MAPK8IP3: variants seen among roughly 807,000 people sequenced by gnomAD.
MAPK8IP3 encodes the protein C-Jun-amino-terminal kinase-interacting protein 3.
Under a neutral mutation model 157.8 loss-of-function variants are expected in MAPK8IP3, and 49 were observed. The observed-to-expected ratio is 0.31, with a 90% CI of 0.25 to 0.39. The LOEUF (loss-of-function observed/expected upper bound fraction) is 0.39, where lower values mean the gene tolerates loss of function less well. MAPK8IP3 is among the 10% of genes least tolerant of loss of function. MAPK8IP3 has a pLI of 1.00. For missense variants in MAPK8IP3, 1,478 were observed against 1,889.4 expected, an observed-to-expected ratio of 0.78 and a Z score of 4.04; for synonymous variants, 897 against 777.7, an observed-to-expected ratio of 1.15 and a Z score of -2.55.
intron 1 of MAPK8IP3, among the ~76,000 whole-genome samples, chr16:1,722,049 C>T (rs915241335): frequency 3.9e-5 from 6 of 152,216 alleles, no homozygotes; most frequent in Admixed American, 2.0e-4. Flanking sequence ...GGATTACAGG[C>T]GTGAGCCACC....
chr16:1,758,390 C>T (rs558492403), intron 9 of MAPK8IP3, among the ~76,000 whole-genome samples: 2 of 152,330 alleles, frequency 1.3e-5, no homozygotes, highest in East Asian at 1.9e-4. Context: ...AGGAGTCCCC[C>T]GCGGGCCATT....
chr16:1,710,556 A>G lies in MAPK8IP3; in HGVS notation c.318+3899A>G, dbSNP rs1596531387. ...TGGGTAGGATTCAGCTGGAGAAAACAAACACCATAATCCCGCTCTACAGAG... is the reference window on the plus strand; with the variant it reads ...TGGGTAGGATTCAGCTGGAGAAAACGAACACCATAATCCCGCTCTACAGAG... On this transcript the variant is annotated intron_variant, in intron 1 of 31. Coordinates refer to ENST00000610761, the MANE Select transcript of MAPK8IP3 (RefSeq NM_001318852.2). The surrounding 1 kb of genome is among the most constrained non-coding windows in gnomAD (Gnocchi z 4.1). Among the ~76,000 whole-genome samples the G allele has an allele frequency of 6.6e-6, 1 of 152,214 alleles. No homozygotes were observed. The highest frequency in any genetic ancestry group is 1.9e-4 in the East Asian group (1 of 5,200).
At chr16:1,732,854 G>A (rs1170493133) in intron 4 of MAPK8IP3, among the ~76,000 whole-genome samples, 2 of 152,044 alleles carry the variant, frequency 1.3e-5, no homozygotes, top group African/African-American at 4.8e-5. Context: ...CCAAGAATGG[G>A]CAGCGCCAGC....
intron 2 of MAPK8IP3, among the ~76,000 whole-genome samples, chr16:1,728,726 C>T (rs1243315237): frequency 6.8e-6 from 1 of 147,024 alleles, no homozygotes; most frequent in African/African-American, 2.6e-5. Flanking sequence ...AGTGTTCTCC[C>T]CTCGCACAAC....
chr16:1,739,866 GCCTGTGAGCATC>G (rs2040527080), intron 4 of MAPK8IP3, among the ~76,000 whole-genome samples: 1 of 115,202 alleles, frequency 8.7e-6, no homozygotes. Context: ...GACCGTGTGA[GCCTGTGAGCATC>G]CGTGTGACCG....
At chr16:1,730,297 G>A (rs1596598453) in intron 4 of MAPK8IP3, among the ~76,000 whole-genome samples, 1 of 151,988 alleles carries the variant, frequency 6.6e-6, no homozygotes, top group Non-Finnish European at 1.5e-5. Flanking sequence ...GCTCATGTGA[G>A]GTCAAAGAAT....
intron 4 of MAPK8IP3, among the ~76,000 whole-genome samples, chr16:1,738,615 T>C: frequency 7.3e-6 from 1 of 136,466 alleles, no homozygotes. Flanking sequence ...TGACCGTCCG[T>C]GTGAGCATCG....
chr16:1,733,656 C>T (rs151274461), intron 4 of MAPK8IP3, among the ~76,000 whole-genome samples: 125 of 152,316 alleles, frequency 8.2e-4, no homozygotes, highest in African/African-American at 2.9e-3. Flanking sequence ...GTCCTGGCGC[C>T]GAGAGTTCAG....
rs762887623 is a variant in MAPK8IP3 at position 1,768,196 on chromosome 16, C to T, written c.3563-3C>T. 19 of 1,612,092 alleles carry T rather than the reference C, an allele frequency of 1.2e-5. No homozygotes were observed. The South Asian group carries it at 2.0e-4, about 17-fold the overall frequency. On this transcript the variant is annotated splice_region_variant and splice_polypyrimidine_tract_variant and intron_variant, in intron 29 of 31. Transcript: ENST00000610761. ...TCAGCGCCTCTGGGTTCTCTCCCTG[C>T]AGCCAATAAGACATCCCCCACCTCT...
intron 19 of MAPK8IP3, 31 bp downstream of exon 19, chr16:1,764,490 C>G (rs2141941274): frequency 1.2e-6 from 2 of 1,601,382 alleles, no homozygotes; most frequent in East Asian, 2.2e-5. Context: ...CGGGCACCCT[C>G]CCTGGCTTAG....
intron 20 of MAPK8IP3, 56 bp from the exon 21 acceptor site, chr16:1,765,904 C>A: frequency 6.7e-7 from 1 of 1,491,078 alleles, no homozygotes; most frequent in East Asian, 2.4e-5. Flanking sequence ...GTGCTGGGCA[C>A]GCCCTTGCAG....
At chr16:1,763,586 A>G in intron 16 of MAPK8IP3, 71 bp from the exon 17 acceptor site, 5 of 1,408,232 alleles carry the variant, frequency 3.6e-6, no homozygotes, top group Non-Finnish European at 4.7e-6. Context: ...GACCTCCCCC[A>G]GGACAAGCCT....
chr16:1,744,614 C>T lies in MAPK8IP3; in HGVS notation c.747+1138C>T, dbSNP rs1370372587. On this transcript the variant is annotated intron_variant, in intron 5 of 31. Transcript: ENST00000610761. ...CTCACTGTCTCTGGCTCACGCTTCC[C>T]GGGCCTGGAGCTGGGACCTGCCCAT... The T allele has an allele frequency of 4.4e-5, 43 of 985,582 alleles. 1 individual carries two copies. Among genetic ancestry groups the T allele is most frequent in the Non-Finnish European group, 4.7e-5 (39 of 830,036 alleles). 61.1% of individuals were successfully genotyped at this position (985,582 alleles called of 1,614,324 possible).
Position 1,765,102 on chromosome 16 carries a change from C to A in MAPK8IP3, c.2370C>A (p.Asp790Glu), listed in dbSNP as rs914509522. 6.2e-7 allele frequency: 1 copy of A among 1,612,502 alleles called. No individual in the cohort carries two copies. ...TLTTSKVVII[D>E]ANQPGTVVDQ... is the part of the protein sequence containing the mutation. ...CCACCAGCAAGGTGGTGATCATCGA[C>A]GCCAACCAGCCGGGCACGGTGGTGG... The change falls in exon 20 of 32, where the codon GAC becomes GAA. Residue 790 changes from aspartate to glutamate, a missense_variant. By Grantham distance (45) the Asp-to-Glu change is conservative. Coordinates refer to ENST00000610761, the MANE Select transcript of MAPK8IP3 (RefSeq NM_001318852.2).
At chr16:1,759,535 G>A (rs926326739) in intron 10 of MAPK8IP3, among the ~76,000 whole-genome samples, 5 of 152,138 alleles carry the variant, frequency 3.3e-5, no homozygotes, top group East Asian at 3.9e-4. Flanking sequence ...GCGCCCCATC[G>A]CCGCACCCCA....
At chr16:1,750,532 CTATT>C (rs914543205) in intron 8 of MAPK8IP3, among the ~76,000 whole-genome samples, 51 of 151,758 alleles carry the variant, frequency 3.4e-4, no homozygotes, top group African/African-American at 1.2e-3. Flanking sequence ...TATTTTTTAG[CTATT>C]TTTTTTATTT....
At chr16:1,713,691 A>G (rs1040812980) in intron 1 of MAPK8IP3, 9 of 152,252 alleles carry the variant, frequency 5.9e-5, no homozygotes, top group African/African-American at 2.2e-4. Context: ...TCGAAAGGCC[A>G]AGAAGAGCCT....
At position 1,743,606 on chromosome 16, in the gene MAPK8IP3, G is replaced by A. The variant is rs888722978; in HGVS notation, c.747+130G>A. 10 of 1,450,508 alleles carry A rather than the reference G, an allele frequency of 6.9e-6. No homozygotes were observed. The Middle Eastern group carries it at 9.6e-4, about 140-fold the overall frequency. 89.9% of individuals were successfully genotyped at this position (1,450,508 alleles called of 1,614,324 possible). On this transcript the variant is annotated intron_variant, in intron 5 of 31. Coordinates refer to ENST00000610761, the MANE Select transcript of MAPK8IP3 (RefSeq NM_001318852.2). This position sits in a 1 kb window ranked among gnomAD's most constrained non-coding sequence, Gnocchi z 5.6. Reference sequence around the variant, plus strand: ...GGCCACTCGCCCTCTCCCTTCGTGTGTGGCAGGATGGAGAAACCCAGCCAG... The same window carrying A: ...GGCCACTCGCCCTCTCCCTTCGTGTATGGCAGGATGGAGAAACCCAGCCAG...
chr16:1,760,731 G>A (rs1050756070), intron 12 of MAPK8IP3, among the ~76,000 whole-genome samples, 199 bp downstream of exon 12: 12 of 152,180 alleles, frequency 7.9e-5, no homozygotes, highest in Non-Finnish European at 1.8e-4. Flanking sequence ...TACAGCACAC[G>A]CTGGGCCTGT....
Sources: allele counts gnomAD v4.1 joint callset (sites outside exome capture counted in the v4.1 genomes callset), GRCh38; gene constraint gnomAD v4.1.1; non-coding constraint Gnocchi (gnomAD v3.1); transcripts MANE v1.5; gene names NCBI Gene and HGNC (gene_info 2026-07-23, HGNC 2026-07-21).